Variants in GARIN6 observed in about 807,000 individuals in gnomAD.
GARIN6 encodes golgi associated RAB2 interactor family member 6.
At chr12:99,647,995 C>T in the GARIN6 span, 213 of 757,498 alleles carry the variant, frequency 2.8e-4, no homozygotes, top group Middle Eastern at 3.9e-4. Flanking sequence ...TGGCATTGAG[C>T]GGTTGGTAAT....
the GARIN6 span, chr12:99,648,418 C>G: frequency 4.3e-6 from 7 of 1,614,216 alleles, no homozygotes; most frequent in South Asian, 6.6e-5. Flanking sequence ...CTGCCTCACA[C>G]TACCTGATGT....
At chr12:99,648,674 A>T in the GARIN6 span, 3 of 1,614,138 alleles carry the variant, frequency 1.9e-6, no homozygotes, top group South Asian at 3.3e-5. Context: ...GTTCACTGGG[A>T]AAACCTTGTT....
At chr12:99,649,485 G>A in the GARIN6 span, 2 of 1,036,406 alleles carry the variant, frequency 1.9e-6, no homozygotes, top group Non-Finnish European at 3.0e-6. Context: ...GAAGGGGCAG[G>A]GTAGCAACAG....
the GARIN6 span, chr12:99,648,442 C>G: frequency 5.6e-6 from 9 of 1,614,034 alleles, no homozygotes; most frequent in Non-Finnish European, 7.6e-6. Flanking sequence ...GCTGCTGGCC[C>G]GACCAGCTGC....
chr12:99,649,401 C>A, the GARIN6 span: 72 of 1,599,984 alleles, frequency 4.5e-5, no homozygotes, highest in East Asian at 1.6e-3. Flanking sequence ...AGATATGAAT[C>A]CAACATACCT....
the GARIN6 span, chr12:99,649,142 C>G: frequency 1.4e-6 from 1 of 690,948 alleles, no homozygotes; most frequent in African/African-American, 1.8e-5. Flanking sequence ...TAGGACGTGT[C>G]TCCCTGCAAT....
chr12:99,648,205 ACGGCC>A, the GARIN6 span: 9 of 1,614,052 alleles, frequency 5.6e-6, no homozygotes, highest in Non-Finnish European at 6.8e-6. Flanking sequence ...ACCGTATTAC[ACGGCC>A]CAAAGCAGCC....
At chr12:99,648,514 A>T in the GARIN6 span, 1 of 1,614,100 alleles carries the variant, frequency 6.2e-7, no homozygotes, top group Non-Finnish European at 8.5e-7. Flanking sequence ...GCCTGCAGAG[A>T]TCTTAGAACT....
At chr12:99,649,175 C>T in the GARIN6 span, 2 of 833,606 alleles carry the variant, frequency 2.4e-6, no homozygotes, top group Admixed American at 3.9e-5. Context: ...ACATTGGTGG[C>T]AACACAACAT....
the GARIN6 span, chr12:99,648,455 T>G: frequency 6.2e-7 from 1 of 1,614,188 alleles, no homozygotes; most frequent in South Asian, 1.1e-5. Flanking sequence ...CCAGCTGCTG[T>G]CTGTGACAAT....
the GARIN6 span, chr12:99,648,154 T>A: frequency 6.3e-7 from 1 of 1,585,596 alleles, no homozygotes; most frequent in Non-Finnish European, 8.6e-7. Context: ...TGCTGGGAAC[T>A]GTCTTGATTT....
At chr12:99,648,466 G>T in the GARIN6 span, 1 of 1,614,172 alleles carries the variant, frequency 6.2e-7, no homozygotes, top group Non-Finnish European at 8.5e-7. Flanking sequence ...CTGTGACAAT[G>T]CCAGGTGTGG....
chr12:99,649,358 T>C, the GARIN6 span: 1 of 1,614,152 alleles, frequency 6.2e-7, no homozygotes, highest in Non-Finnish European at 8.5e-7. Flanking sequence ...AATGCTGAAA[T>C]GTTTGGGTCC....
At chr12:99,647,802 A>C in the GARIN6 span, 6 of 227,792 alleles carry the variant, frequency 2.6e-5, no homozygotes, top group East Asian at 5.6e-4. Flanking sequence ...TTGCCAGTTA[A>C]GGTTGTGGAA....
the GARIN6 span, chr12:99,648,405 C>A: frequency 1.9e-6 from 3 of 1,614,102 alleles, no homozygotes; most frequent in Non-Finnish European, 2.5e-6. Flanking sequence ...TTCGCACCAG[C>A]CCCTGCCTCA....
the GARIN6 span, chr12:99,647,969 G>C: frequency 3.0e-6 from 2 of 660,424 alleles, no homozygotes; most frequent in South Asian, 4.2e-5. Context: ...TCTGGATCCA[G>C]GGGACTGACT....
At chr12:99,648,385 A>G in the GARIN6 span, 455,002 of 1,613,892 alleles carry the variant, frequency 0.28, 66,332 homozygotes, top group Middle Eastern at 0.31. Context: ...AATGGTAACA[A>G]TGGGCATCGT....
the GARIN6 span, chr12:99,648,827 T>C: frequency 6.3e-7 from 1 of 1,575,908 alleles, no homozygotes; most frequent in Non-Finnish European, 8.6e-7. Context: ...CCTGGATGCT[T>C]TGGGGGAGAG....
the GARIN6 span, chr12:99,648,642 G>A: frequency 2.1e-5 from 34 of 1,614,140 alleles, no homozygotes; most frequent in East Asian, 2.7e-4. Context: ...GTCCTCCATC[G>A]GATGCAAGTG....
Sources: allele counts gnomAD v4.1 joint callset, GRCh38; gene constraint gnomAD v4.1.1; transcripts MANE v1.5; gene names NCBI Gene and HGNC (gene_info 2026-07-23, HGNC 2026-07-21).